Variants in SAMMSON observed in about 807,000 individuals in gnomAD.
The protein encoded by SAMMSON is long intergenic non-protein coding RNA 1212.
At chr3:70,058,877 A>G (rs1015346859) in intron 3 of SAMMSON, among the ~76,000 whole-genome samples, 9 of 152,136 alleles carry the variant, frequency 5.9e-5, no homozygotes, top group African/African-American at 2.2e-4. Flanking sequence ...CACAGCTACC[A>G]TGAAGTGGAA....
intron 6 of SAMMSON, among the ~76,000 whole-genome samples, chr3:70,261,924 A>G (rs1016671978): frequency 8.5e-5 from 13 of 152,164 alleles, no homozygotes; most frequent in Admixed American, 2.6e-4. Flanking sequence ...CTTACCATAA[A>G]CGGCCAAGTT....
At chr3:70,226,982 G>A (rs1234279997) in intron 4 of SAMMSON, among the ~76,000 whole-genome samples, 1 of 152,062 alleles carries the variant, frequency 6.6e-6, no homozygotes, top group African/African-American at 2.4e-5. Flanking sequence ...TGGAGCAGTG[G>A]CTCTTGATTG....
At chr3:70,097,458 TA>T (rs2067326863) in intron 4 of SAMMSON, among the ~76,000 whole-genome samples, 1 of 152,242 alleles carries the variant, frequency 6.6e-6, no homozygotes, top group African/African-American at 2.4e-5. Context: ...TTGCTATTTT[TA>T]TAAAGCATCT....
At chr3:70,261,868 G>T (rs1313219375) in intron 6 of SAMMSON, among the ~76,000 whole-genome samples, 1 of 152,104 alleles carries the variant, frequency 6.6e-6, no homozygotes, top group Non-Finnish European at 1.5e-5. Flanking sequence ...GAAACAAGGG[G>T]TTTGTTATCC....
intron 2 of SAMMSON, among the ~76,000 whole-genome samples, chr3:70,395,888 C>T (rs747951051): frequency 6.6e-6 from 1 of 152,124 alleles, no homozygotes; most frequent in African/African-American, 2.4e-5. Flanking sequence ...GCTTGGAAAC[C>T]AGACAACCTG....
At chr3:70,364,699 T>A (rs1702906292) in intron 9 of SAMMSON, among the ~76,000 whole-genome samples, 1 of 151,894 alleles carries the variant, frequency 6.6e-6, no homozygotes, top group Admixed American at 6.6e-5. Flanking sequence ...ATCTTTACCT[T>A]AATTTCCTAT....
intron 7 of SAMMSON, among the ~76,000 whole-genome samples, chr3:70,346,804 A>C (rs1300950837): frequency 6.6e-6 from 1 of 152,198 alleles, no homozygotes; most frequent in Non-Finnish European, 1.5e-5. Context: ...GGCATTACAA[A>C]TGTAATGTTA....
intron 7 of SAMMSON, among the ~76,000 whole-genome samples, chr3:70,310,666 A>G (rs543088580): frequency 6.6e-6 from 1 of 152,178 alleles, no homozygotes; most frequent in South Asian, 2.1e-4. Flanking sequence ...GCACCCGGCC[A>G]TAGGTGTATT....
chr3:70,286,628 G>C (rs1388066975), intron 6 of SAMMSON, among the ~76,000 whole-genome samples: 1 of 151,958 alleles, frequency 6.6e-6, no homozygotes, highest in Non-Finnish European at 1.5e-5. Context: ...GGATGGCATT[G>C]AATCTGTAAA....
intron 7 of SAMMSON, among the ~76,000 whole-genome samples, chr3:70,315,887 T>C (rs1702490495): frequency 6.6e-6 from 1 of 152,116 alleles, no homozygotes; most frequent in Non-Finnish European, 1.5e-5. Flanking sequence ...AATACATCTT[T>C]AAATGATTCC....
At chr3:70,397,156 T>C (rs1279442070) in intron 2 of SAMMSON, among the ~76,000 whole-genome samples, 1 of 152,194 alleles carries the variant, frequency 6.6e-6, no homozygotes, top group Non-Finnish European at 1.5e-5. Context: ...AGATCATGAC[T>C]ATTATAAAAT....
chr3:70,127,269 A>T (rs1187614103), intron 4 of SAMMSON: 1 of 152,186 alleles, frequency 6.6e-6, no homozygotes, highest in East Asian at 1.9e-4. Flanking sequence ...CATCACTATT[A>T]TTATTTTCAA....
chr3:70,074,733 G>A (rs2067242230), intron 4 of SAMMSON, among the ~76,000 whole-genome samples: 2 of 152,010 alleles, frequency 1.3e-5, no homozygotes, highest in African/African-American at 2.4e-5. Context: ...TGTACATAGT[G>A]TGCATGTCCC....
At chr3:70,101,305 G>A (rs934648292) in intron 4 of SAMMSON, among the ~76,000 whole-genome samples, 10 of 152,012 alleles carry the variant, frequency 6.6e-5, no homozygotes, top group Admixed American at 6.6e-5. Context: ...CAGGATGGAA[G>A]AAGTAAACAC....
intron 2 of SAMMSON, among the ~76,000 whole-genome samples, chr3:70,431,428 A>T (rs9845980): frequency 0.45 from 68,449 of 151,642 alleles, 15,774 homozygotes; most frequent in African/African-American, 0.53. Context: ...TTTTGTGTAT[A>T]TTAATATAGA....
intron 7 of SAMMSON, among the ~76,000 whole-genome samples, chr3:70,309,546 A>G (rs914872294): frequency 6.6e-6 from 1 of 152,214 alleles, no homozygotes; most frequent in African/African-American, 2.4e-5. Context: ...GTAACATGGC[A>G]CAATCACCCA....
At chr3:70,093,530 A>G (rs1321830210) in intron 4 of SAMMSON, among the ~76,000 whole-genome samples, 2 of 152,196 alleles carry the variant, frequency 1.3e-5, no homozygotes, top group East Asian at 3.8e-4. Context: ...CGTCTTCTGA[A>G]TTAAAGAAAC....
At chr3:70,238,304 C>A (rs1013015248) in intron 4 of SAMMSON, among the ~76,000 whole-genome samples, 6 of 151,782 alleles carry the variant, frequency 4.0e-5, no homozygotes, top group African/African-American at 1.5e-4. Context: ...ATTTTTCTGC[C>A]ATGTGTAAAA....
chr3:70,059,793 A>C (rs1175399142), intron 3 of SAMMSON, among the ~76,000 whole-genome samples: 1 of 152,088 alleles, frequency 6.6e-6, no homozygotes, highest in African/African-American at 2.4e-5. Flanking sequence ...GGCAAGTTAA[A>C]TTGGCTATGG....
Sources: allele counts gnomAD v4.1 joint callset (sites outside exome capture counted in the v4.1 genomes callset), GRCh38; gene constraint gnomAD v4.1.1; transcripts MANE v1.5; gene names NCBI Gene and HGNC (gene_info 2026-07-23, HGNC 2026-07-21).